DENND4A: variants seen among roughly 807,000 people sequenced by gnomAD.
The protein encoded by DENND4A is C-myc promoter-binding protein.
Under a neutral mutation model 199.3 loss-of-function variants are expected in DENND4A, and 70 were observed. The observed-to-expected ratio is 0.35, with a 90% CI of 0.29 to 0.43. The LOEUF is 0.43. DENND4A is among the 20% of genes least tolerant of loss of function. The pLI is 1.00. For synonymous variants in DENND4A, 686 were observed against 766.9 expected, an observed-to-expected ratio of 0.89 and a Z score of 1.74; for missense variants, 1,723 against 2,255.8, an observed-to-expected ratio of 0.76 and a Z score of 4.78.
At position 65,729,247 on chromosome 15, in the gene DENND4A, T is replaced by C. The variant is rs1171084227; in HGVS notation, c.1312A>G (p.Met438Val). ...CATGGCCAGTGGAAAGGGAAAATCA[T>C]CTTGGATAAACAAAAGATAGGAGAG... ...LTSVTEALVS[M>V]IFPFHWPCPY... Residue 438 changes from methionine (M) to valine (V), a missense_variant and splice_region_variant, in exon 11 of 33, where the codon ATG becomes GTG. This residue lies in a region of DENND4A where 725 missense variants were observed against 952.9 expected (regional missense o/e 0.76). Coordinates refer to ENST00000443035, the MANE Select transcript of DENND4A (RefSeq NM_001320835.1). 2 of 1,568,300 alleles carry C rather than the reference T, an allele frequency of 1.3e-6. No homozygotes were observed. The highest frequency in any genetic ancestry group is 1.9e-5 in the Admixed American group (1 of 52,770).
At chr15:65,675,316 A>AT (rs1229642562) in intron 24 of DENND4A, among the ~76,000 whole-genome samples, 2 of 152,200 alleles carry the variant, frequency 1.3e-5, no homozygotes, top group Non-Finnish European at 2.9e-5. Context: ...ATTAAGAAGG[A>AT]AACCAGATAA....
Position 65,696,347 on chromosome 15 carries a change from A to T in DENND4A, c.3082+19T>A. ...TACAATTTATTCCGCACATAACACA[A>T]GCGTACTATTCAACTTACCCATGCT... On this transcript the variant is annotated intron_variant, in intron 22 of 32. Transcript: ENST00000443035. 6.2e-7 allele frequency: 1 copy of T among 1,608,830 alleles called. No homozygotes were observed. The highest frequency in any genetic ancestry group is 8.5e-7 in the Non-Finnish European group (1 of 1,176,764).
chr15:65,711,931 C>G (rs1034719632), intron 14 of DENND4A, among the ~76,000 whole-genome samples: 1 of 152,130 alleles, frequency 6.6e-6, no homozygotes, highest in Non-Finnish European at 1.5e-5. Context: ...AGTAATTGCT[C>G]TAGGGATTAA....
chr15:65,700,842 C>A (rs1386693609), intron 19 of DENND4A, among the ~76,000 whole-genome samples, 167 bp from the exon 20 acceptor site: 1 of 152,168 alleles, frequency 6.6e-6, no homozygotes, highest in Non-Finnish European at 1.5e-5. Flanking sequence ...TTAATGAACA[C>A]TAAAACACAC....
At chr15:65,728,170 T>A (rs1358708098) in intron 11 of DENND4A, among the ~76,000 whole-genome samples, 1 of 151,920 alleles carries the variant, frequency 6.6e-6, no homozygotes, top group African/African-American at 2.4e-5. Flanking sequence ...GTCCAGCTAA[T>A]TTTTGAATTT....
At chr15:65,742,408 C>A (rs576691771) in intron 4 of DENND4A, among the ~76,000 whole-genome samples, 11 of 151,668 alleles carry the variant, frequency 7.3e-5, no homozygotes, top group African/African-American at 2.7e-4. Flanking sequence ...CTCAGTCTCC[C>A]AAGTAGCTGG....
chr15:65,669,810 G>A lies in DENND4A; in HGVS notation c.4756C>T (p.Leu1586Phe). Residue 1586 changes from leucine (L) to phenylalanine (F), a missense_variant, in exon 27 of 33, where the codon CTC (leucine) becomes TTC (phenylalanine). Around this residue, in one of 6 missense-constraint regions of DENND4A, gnomAD observed 141 missense variants for 170.7 expected, o/e 0.83. Transcript: ENST00000443035. ...TSASGLDTSALSVQGNFDLNS... is the reference protein window; with the variant it reads ...TSASGLDTSAFSVQGNFDLNS... ...AGATCAAAATTCCCTTGAACAGAGAGAGCAGATGTGTCAAGACCAGAGGCT... is the reference window on the plus strand; with the variant it reads ...AGATCAAAATTCCCTTGAACAGAGAAAGCAGATGTGTCAAGACCAGAGGCT... 6.8e-6 allele frequency: 11 copies of A among 1,613,612 alleles called. No individual in the cohort carries two copies. Among genetic ancestry groups the A allele is most frequent in the Non-Finnish European group, 9.3e-6 (11 of 1,179,654 alleles).
At position 65,702,349 on chromosome 15, in the gene DENND4A, C is replaced by T; in HGVS notation, c.2386G>A (p.Val796Met). Residue 796 changes from valine (V) to methionine (M), a missense_variant, in exon 17 of 33, where the codon GTG becomes ATG. Transcript: ENST00000443035. ...TTCTTTGACTGCATTTTTTTAAGCA[C>T]ATCATATGCTGTTTTCAGAGCCCTG... is the stretch of plus-strand genomic sequence containing the variant. ...KVRALKTAYD[V>M]LKKMQSKKMD... 3.9e-6 allele frequency: 6 copies of T among 1,552,820 alleles called. No individual in the cohort carries two copies. The highest frequency in any genetic ancestry group is 4.4e-6 in the Non-Finnish European group (5 of 1,147,496).
At chr15:65,714,126 C>A (rs2075323527) in intron 14 of DENND4A, among the ~76,000 whole-genome samples, 1 of 151,976 alleles carries the variant, frequency 6.6e-6, no homozygotes, top group South Asian at 2.1e-4. Context: ...ACTTTATTAT[C>A]TTTGGCCGGG....
At chr15:65,667,858 G>C (rs1368926510) in intron 28 of DENND4A, 67 bp downstream of exon 28, 1 of 1,545,734 alleles carries the variant, frequency 6.5e-7, no homozygotes, top group Non-Finnish European at 8.7e-7. Flanking sequence ...GACTACTTAA[G>C]ACAAGGGGAA....
In DENND4A at chr15:65,690,668, G is replaced by T. The variant is rs778653619; in HGVS notation, c.3926C>A (p.Ser1309Tyr). 3.1e-6 allele frequency: 5 copies of T among 1,613,672 alleles called. No homozygotes were observed. The South Asian group carries it at 5.5e-5, about 18-fold the overall frequency. ...NSPKPVRLTK[S>Y]KSYTKSEEKP... ...CTCCTCACTTTTTGTGTAACTTTTA[G>T]ATTTGGTAAGTCTCACTGGCTTAGG... The change falls in exon 23 of 33, where the codon TCT becomes TAT. Residue 1309 changes from serine (S) to tyrosine (Y), a missense_variant. By Grantham distance (144) the Ser-to-Tyr change is moderately radical. This residue lies in a region of DENND4A where 650 missense variants were observed against 738.1 expected (regional missense o/e 0.88). Coordinates refer to ENST00000443035, the MANE Select transcript of DENND4A (RefSeq NM_001320835.1).
intron 1 of DENND4A, among the ~76,000 whole-genome samples, chr15:65,766,108 G>A (rs746442439): frequency 5.9e-5 from 9 of 152,070 alleles, no homozygotes; most frequent in South Asian, 2.1e-4. Flanking sequence ...AAAATTAGCC[G>A]GATATGGTGG....
intron 10 of DENND4A, 90 bp from the exon 11 acceptor site, chr15:65,729,337 T>C: frequency 7.0e-7 from 1 of 1,435,390 alleles, no homozygotes; most frequent in Non-Finnish European, 9.6e-7. Flanking sequence ...TTTTAAGTAT[T>C]ATCTAAAGCC....
At chr15:65,759,804 C>A (rs1450200027) in intron 2 of DENND4A, among the ~76,000 whole-genome samples, 1 of 152,170 alleles carries the variant, frequency 6.6e-6, no homozygotes, top group Non-Finnish European at 1.5e-5. Flanking sequence ...TTGTGTTTAA[C>A]TTTTTTTCTC....
intron 12 of DENND4A, among the ~76,000 whole-genome samples, chr15:65,718,858 C>A (rs2075509985): frequency 7.1e-6 from 1 of 139,864 alleles, no homozygotes; most frequent in Admixed American, 8.0e-5. Flanking sequence ...CAGCTTACTG[C>A]AGCCCCTACC....
intron 9 of DENND4A, among the ~76,000 whole-genome samples, chr15:65,731,003 T>G (rs973822148): frequency 6.6e-6 from 1 of 152,054 alleles, no homozygotes; most frequent in Non-Finnish European, 1.5e-5. Context: ...TAAGAAAACA[T>G]TTGTCACTCT....
At chr15:65,717,373 CATA>C (rs2075440301) in intron 13 of DENND4A, among the ~76,000 whole-genome samples, 1 of 152,062 alleles carries the variant, frequency 6.6e-6, no homozygotes, top group African/African-American at 2.4e-5. Context: ...TTGTAAAGTA[CATA>C]ATATTTGAAA....
chr15:65,721,036 C>T (rs1387847079), intron 12 of DENND4A, among the ~76,000 whole-genome samples: 2 of 140,816 alleles, frequency 1.4e-5, no homozygotes, highest in South Asian at 4.6e-4. Flanking sequence ...TGGTCTCAAA[C>T]TGCTGGACTC....
At chr15:65,665,537 A>T in intron 29 of DENND4A, 75 bp from the exon 30 acceptor site, 1 of 1,189,472 alleles carries the variant, frequency 8.4e-7, no homozygotes, top group Non-Finnish European at 1.2e-6. Flanking sequence ...AAATTCTTAT[A>T]AATATTTTTT....
Sources: allele counts gnomAD v4.1 joint callset (sites outside exome capture counted in the v4.1 genomes callset), GRCh38; gene constraint gnomAD v4.1.1; regional missense constraint gnomAD v4.1.1; transcripts MANE v1.5; gene names NCBI Gene and HGNC (gene_info 2026-07-23, HGNC 2026-07-21).